TMEM242: variants seen among roughly 807,000 people sequenced by gnomAD.
TMEM242 encodes the protein transmembrane protein 242, also known as UPF0463 transmembrane protein C6orf35.
Under a neutral mutation model 18.2 loss-of-function variants are expected in TMEM242, and 10 were observed. The observed-to-expected ratio is 0.55, with a 90% CI of 0.34 to 0.93. The LOEUF is 0.93. Ranked by LOEUF, TMEM242 falls within the 40% of genes least tolerant of loss-of-function variation. The probability of loss-of-function intolerance (pLI) is 0.02; values close to 1 mark genes in which losing one functional copy is unlikely to be tolerated. For synonymous variants in TMEM242, 57 were observed against 69.9 expected (o/e 0.81, Z 0.92); for missense variants, 186 against 175.5 (o/e 1.06, Z -0.34).
In TMEM242 at chr6:157,292,446, G is replaced by A. The variant is rs1777696031; in HGVS notation, c.*455C>T. 1 of 152,770 alleles carries A rather than the reference G, an allele frequency of 6.5e-6. No individual in the cohort carries two copies. The highest frequency in any genetic ancestry group is 2.4e-5 in the African/African-American group (1 of 41,404). 9.5% of individuals were successfully genotyped at this position (152,770 alleles called of 1,614,324 possible). Reference sequence around the variant, plus strand: ...CCAGGTGACTGTCACTTTGTAGTCTGGCTAATCAGAATAAGACTTCCAAGT... The same window carrying A: ...CCAGGTGACTGTCACTTTGTAGTCTAGCTAATCAGAATAAGACTTCCAAGT... On this transcript the variant is annotated 3_prime_UTR_variant, in exon 4 of 4. Transcript: ENST00000400788.
chr6:157,312,877 C>G (rs1554249478), intron 3 of TMEM242, among the ~76,000 whole-genome samples: 10 of 151,742 alleles, frequency 6.6e-5, no homozygotes, highest in South Asian at 2.1e-4. Context: ...CCAGTGTGCA[C>G]TCACCTAGCC....
At chr6:157,312,695 T>G (rs1253830840) in intron 3 of TMEM242, among the ~76,000 whole-genome samples, 1 of 55,462 alleles carries the variant, frequency 1.8e-5, no homozygotes, top group African/African-American at 7.7e-5. Context: ...CATCATAGTG[T>G]CCCAGTGTGC....
chr6:157,322,620 C>T (rs1778513689), intron 2 of TMEM242, 85 bp downstream of exon 2: 2 of 1,100,146 alleles, frequency 1.8e-6, no homozygotes, highest in African/African-American at 1.6e-5. Flanking sequence ...TGTGAAAGAC[C>T]ATCAATATTT....
At chr6:157,318,689 C>T (rs782597149) in intron 3 of TMEM242, 93 bp downstream of exon 3, 3 of 1,525,286 alleles carry the variant, frequency 2.0e-6, no homozygotes, top group Non-Finnish European at 2.7e-6. Context: ...AGTGACCAAA[C>T]TACATGCAAA....
At chr6:157,306,115 T>A (rs138417344) in intron 3 of TMEM242, among the ~76,000 whole-genome samples, 1 of 152,184 alleles carries the variant, frequency 6.6e-6, no homozygotes, top group East Asian at 1.9e-4. Flanking sequence ...AGGTCCCTTG[T>A]AGATGACGAG....
chr6:157,291,110 G>A lies in TMEM242; in HGVS notation c.*1791C>T, dbSNP rs587644586. ...GCCCTGAGAGGGGTCCCTGCCCTTC[G>A]GGAGGTTACAAGGCAGGAATCCATT... On this transcript the variant is annotated 3_prime_UTR_variant, in exon 4 of 4. Transcript: ENST00000400788. 1.3e-5 allele frequency: 2 copies of A among 152,300 alleles called. No individual in the cohort carries two copies. The highest frequency in any genetic ancestry group is 6.5e-5 in the Admixed American group (1 of 15,302). 9.4% of individuals were successfully genotyped at this position (152,300 alleles called of 1,614,324 possible).
chr6:157,313,121 C>G (rs202145377), intron 3 of TMEM242, among the ~76,000 whole-genome samples: 10 of 9,116 alleles, frequency 1.1e-3, no homozygotes, highest in East Asian at 7.3e-3. Flanking sequence ...TGTGCTCACC[C>G]GGCCTCATCA....
chr6:157,300,074 C>T, intron 3 of TMEM242: 2 of 728,680 alleles, frequency 2.7e-6, no homozygotes, highest in East Asian at 2.5e-5. Context: ...GAAATTCGCT[C>T]CTGCCGAGCT....
At chr6:157,312,227 C>T (rs1583568444) in intron 3 of TMEM242, among the ~76,000 whole-genome samples, 1 of 150,234 alleles carries the variant, frequency 6.7e-6, no homozygotes, top group African/African-American at 2.5e-5. Context: ...TCATAGTGCC[C>T]CAGTGTACAC....
chr6:157,310,620 C>T (rs1554248352), intron 3 of TMEM242, among the ~76,000 whole-genome samples: 1 of 148,566 alleles, frequency 6.7e-6, no homozygotes, highest in African/African-American at 2.4e-5. Flanking sequence ...GTGCCCTCAC[C>T]TAGCCTCATC....
intron 3 of TMEM242, among the ~76,000 whole-genome samples, chr6:157,312,357 G>GTGCCCCAGTGTGCACTCACCTAGACTCA (rs1778175527): frequency 2.6e-5 from 1 of 38,922 alleles, no homozygotes; most frequent in African/African-American, 1.0e-4. Flanking sequence ...GCCTCATCAT[G>GTGCCCCAGTGTGCACTCACCTAGACTCA]TCCCAGTGTG....
rs1349012237 is a variant in TMEM242, at chr6:157,315,913, T to TATGTGAATTTC, written c.327+2868_327+2869insGAAATTCACAT. On this transcript the variant is annotated intron_variant, in intron 3 of 3. Coordinates refer to ENST00000400788, the MANE Select transcript of TMEM242 (RefSeq NM_018452.6). ...ATGTTTGTATTTAATGTATGTGTTCTATGTGAAATGAAATTCCATAATAAT... is the reference window on the plus strand; with the variant it reads ...ATGTTTGTATTTAATGTATGTGTTCTATGTGAATTTCATGTGAAATGAAATTCCATAATAAT... Among the ~76,000 whole-genome samples the TATGTGAATTTC allele has an allele frequency of 2.0e-5, 3 of 152,370 alleles. No individual in the cohort carries two copies. In the East Asian group the frequency reaches 5.8e-4, roughly 29 times the overall value.
In TMEM242 at chr6:157,312,631, A is replaced by C. The variant is rs1326414429; in HGVS notation, c.327+6151T>G. 6.8e-4 allele frequency among the ~76,000 whole-genome samples: 103 copies of C among 150,838 alleles called. 1 individual carries two copies. Among genetic ancestry groups the C allele is most frequent in the African/African-American group, 2.4e-3 (99 of 40,586 alleles). On this transcript the variant is annotated intron_variant, in intron 3 of 3. Transcript: ENST00000400788. ...TCACCTAGCCTCACCATAGTGTCGC[A>C]GTGTGCACTCACCCGGCCTCATCAT...
chr6:157,313,040 G>T (rs1554249582), intron 3 of TMEM242, among the ~76,000 whole-genome samples: 40 of 148,532 alleles, frequency 2.7e-4, no homozygotes, highest in South Asian at 4.3e-4. Flanking sequence ...TAGTGTCCCA[G>T]TGTGCACTCA....
chr6:157,312,145 C>G (rs1562384256), intron 3 of TMEM242, among the ~76,000 whole-genome samples: 1 of 143,982 alleles, frequency 6.9e-6, no homozygotes. Context: ...CTCACCTGGC[C>G]TCATCATAGT....
At chr6:157,316,618 T>A (rs1458999174) in intron 3 of TMEM242, among the ~76,000 whole-genome samples, 3 of 152,074 alleles carry the variant, frequency 2.0e-5, no homozygotes, top group Non-Finnish European at 4.4e-5. Context: ...GCTCACACCT[T>A]TAATCCCAGC....
rs1254719007 is a variant in TMEM242, at chr6:157,291,334, T to C, written c.*1567A>G. 2 of 152,138 alleles carry C rather than the reference T, an allele frequency of 1.3e-5. No individual in the cohort carries two copies. The highest frequency in any genetic ancestry group is 4.8e-5 in the African/African-American group (2 of 41,456). 9.4% of individuals were successfully genotyped at this position (152,138 alleles called of 1,614,324 possible). On this transcript the variant is annotated 3_prime_UTR_variant, in exon 4 of 4. Coordinates refer to ENST00000400788, the MANE Select transcript of TMEM242 (RefSeq NM_018452.6). ...CACATCAAACGAGTAAAGTGCATCG[T>C]TGTAACAAGGTTTGAGGGCCATCTC...
chr6:157,310,814 G>A (rs1554248458), intron 3 of TMEM242, among the ~76,000 whole-genome samples: 2 of 150,288 alleles, frequency 1.3e-5, no homozygotes, highest in Admixed American at 6.6e-5. Flanking sequence ...GGGTCCCAGT[G>A]TGCACTCACC....
Position 157,305,856 on chromosome 6 carries a change from T to C in TMEM242, c.328-12857A>G, listed in dbSNP as rs1167448425. On this transcript the variant is annotated intron_variant, in intron 3 of 3. Coordinates refer to ENST00000400788, the MANE Select transcript of TMEM242 (RefSeq NM_018452.6). This position sits in a 1 kb window ranked among gnomAD's most constrained non-coding sequence, Gnocchi z 4.1. ...CTGGCAACCTTAATAGCAGTTCCAG[T>C]GCAGCGCTGGGGCAAGGAGCTGGAC... Among the ~76,000 whole-genome samples, 3 of 152,082 alleles carry C rather than the reference T, an allele frequency of 2.0e-5. No individual in the cohort carries two copies. Among genetic ancestry groups the C allele is most frequent in the Non-Finnish European group, 4.4e-5 (3 of 68,010 alleles).
Sources: allele counts gnomAD v4.1 joint callset (sites outside exome capture counted in the v4.1 genomes callset), GRCh38; gene constraint gnomAD v4.1.1; non-coding constraint Gnocchi (gnomAD v3.1); transcripts MANE v1.5; gene names NCBI Gene and HGNC (gene_info 2026-07-23, HGNC 2026-07-21).